The following PDE6A variants were observed in gnomAD, a reference collection of about 807,000 sequenced individuals.
PDE6A encodes phosphodiesterase 6A, also known as rod cGMP-specific 3',5'-cyclic phosphodiesterase subunit alpha.
In PDE6A, 84 loss-of-function variants were observed where a neutral mutation model predicts 106.3. The observed-to-expected ratio is 0.79, with a 90% CI of 0.66 to 0.95. The LOEUF (loss-of-function observed/expected upper bound fraction) is 0.95, where lower values mean the gene tolerates loss of function less well. Among genes scored for constraint, PDE6A ranks in the 40% least tolerant of loss-of-function variants. The probability of loss-of-function intolerance (pLI) is 0.00; values close to 1 mark genes in which losing one functional copy is unlikely to be tolerated. For missense variants in PDE6A, 1,052 were observed against 1,084.9 expected (o/e 0.97, Z 0.43); for synonymous variants, 394 against 386.6 (o/e 1.02, Z -0.23).
intron 12 of PDE6A, among the ~76,000 whole-genome samples, chr5:149,895,635 A>G (rs1228817552): frequency 3.5e-5 from 4 of 113,192 alleles, no homozygotes; most frequent in Non-Finnish European, 6.4e-5. Flanking sequence ...CTCTACAGGG[A>G]AAAAAAAAAC....
chr5:149,905,437 A>T (rs532689709), intron 7 of PDE6A, among the ~76,000 whole-genome samples: 2 of 152,296 alleles, frequency 1.3e-5, no homozygotes, highest in Admixed American at 1.3e-4. Context: ...CTCCTAAAAA[A>T]TGTCATAGTT....
intron 7 of PDE6A, among the ~76,000 whole-genome samples, chr5:149,905,950 T>C (rs1753162974): frequency 6.6e-6 from 1 of 152,124 alleles, no homozygotes; most frequent in South Asian, 2.1e-4. Context: ...CTGGAACTCC[T>C]GGGCTCAAGG....
intron 1 of PDE6A, among the ~76,000 whole-genome samples, chr5:149,943,156 C>T (rs1170421288): frequency 1.3e-5 from 2 of 152,130 alleles, no homozygotes; most frequent in Non-Finnish European, 2.9e-5. Context: ...GGGCAGAGGT[C>T]CCTGCGGCCT....
intron 6 of PDE6A, among the ~76,000 whole-genome samples, chr5:149,910,424 T>C (rs980623109): frequency 6.6e-6 from 1 of 152,216 alleles, no homozygotes; most frequent in African/African-American, 2.4e-5. Flanking sequence ...TATAACGTAA[T>C]CTATAATGCT....
At chr5:149,873,856 T>C (rs1320910453) in intron 17 of PDE6A, among the ~76,000 whole-genome samples, 3 of 151,836 alleles carry the variant, frequency 2.0e-5, no homozygotes, top group African/African-American at 4.8e-5. Context: ...TTCTATAATA[T>C]CTTGACCCTA....
At position 149,931,075 on chromosome 5, in the gene PDE6A, T is replaced by C; in HGVS notation, c.811A>G (p.Asn271Asp). ...AGACCCACAGAGTATCTGTCACAGT[T>C]GAGGAAAGCACGGACTGTGTACAGG... The part of the protein sequence containing the change: ...KALYTVRAFL[N>D]CDRYSVGLLD... The change falls in exon 4 of 22, where the codon AAC becomes GAC. Residue 271 changes from asparagine to aspartate, a missense_variant. Around this residue, in one of 3 missense-constraint regions of PDE6A, gnomAD observed 913 missense variants for 915.2 expected, o/e 1.00. Coordinates refer to ENST00000255266, the MANE Select transcript of PDE6A (RefSeq NM_000440.3). 1 of 1,614,080 alleles carries C rather than the reference T, an allele frequency of 6.2e-7. No individual in the cohort carries two copies. The highest frequency in any genetic ancestry group is 8.5e-7 in the Non-Finnish European group (1 of 1,179,920).
chr5:149,932,543 T>G (rs980944703), intron 3 of PDE6A: 2 of 1,437,314 alleles, frequency 1.4e-6, no homozygotes, highest in African/African-American at 2.8e-5. Flanking sequence ...TTGGAACTCC[T>G]TTTTGGAATC....
intron 5 of PDE6A, among the ~76,000 whole-genome samples, chr5:149,921,288 C>T (rs1753710386): frequency 6.6e-6 from 1 of 150,660 alleles, no homozygotes; most frequent in Non-Finnish European, 1.5e-5. Context: ...TAGTATAGTG[C>T]TTAGAAAGAA....
intron 1 of PDE6A, among the ~76,000 whole-genome samples, chr5:149,935,595 G>T (rs1269051766): frequency 1.3e-5 from 2 of 152,180 alleles, no homozygotes; most frequent in Non-Finnish European, 2.9e-5. Context: ...AGTGTATAGA[G>T]GAGCACACAC....
Position 149,868,080 on chromosome 5 carries a change from A to C in PDE6A, c.2199+15T>G. On this transcript the variant is annotated intron_variant, in intron 18 of 21. Transcript: ENST00000255266. Reference sequence around the variant, plus strand: ...ACTGGGATGCCCCTCCTCTTGGGTCAGCAGGAGTTCATACCTGGCTCTGCA... The same window carrying C: ...ACTGGGATGCCCCTCCTCTTGGGTCCGCAGGAGTTCATACCTGGCTCTGCA... 8 of 1,613,284 alleles carry C rather than the reference A, an allele frequency of 5.0e-6. No individual in the cohort carries two copies. In the East Asian group the frequency reaches 1.8e-4, roughly 36 times the overall value.
chr5:149,920,996 A>AAGAAAGAG (rs1554091222), intron 5 of PDE6A, among the ~76,000 whole-genome samples: 1,534 of 91,562 alleles, frequency 0.017, 46 homozygotes, highest in African/African-American at 0.045. Context: ...GAAAGAAAGA[A>AAGAAAGAG]AAAGAAAGAA....
intron 19 of PDE6A, 149 bp downstream of exon 19, chr5:149,867,576 G>T (rs1440211208): frequency 2.7e-6 from 2 of 738,694 alleles, no homozygotes; most frequent in Non-Finnish European, 2.4e-6. Context: ...GTTGACAGTG[G>T]CCTGGAGACC....
At position 149,860,815 on chromosome 5, in the gene PDE6A, G is replaced by GGT; in HGVS notation, c.*78_*79dup. The GGT allele has an allele frequency of 8.8e-7, 1 of 1,137,978 alleles. No homozygotes were observed. Among genetic ancestry groups the GGT allele is most frequent in the South Asian group, 1.2e-5 (1 of 80,076 alleles). The allele number at this position is 1,137,978 out of a possible 1,614,324, so 70.5% of individuals were successfully genotyped here. A position where few individuals can be genotyped will look rare whatever the true frequency, so the allele number is the denominator to read the frequency against. ...ATCCTATGACTCTTCTACTTCTCAA[G>GGT]GTGTGTGGTCTTCCACTGGCTTGAG... On this transcript the variant is annotated 3_prime_UTR_variant, in exon 22 of 22. Transcript: ENST00000255266.
intron 4 of PDE6A, among the ~76,000 whole-genome samples, chr5:149,924,963 CA>C (rs1467560904): frequency 6.6e-6 from 1 of 152,110 alleles, no homozygotes; most frequent in African/African-American, 2.4e-5. Context: ...CCTCACGCCC[CA>C]AGAAGTAAAA....
chr5:149,915,029 A>G (rs777302724), intron 5 of PDE6A, 22 bp from the exon 6 acceptor site: 31 of 1,225,358 alleles, frequency 2.5e-5, no homozygotes, highest in Middle Eastern at 2.6e-4. Flanking sequence ...GAGAAAAATT[A>G]TACTTTTTTT....
chr5:149,939,164 A>G (rs1754262961), intron 1 of PDE6A, among the ~76,000 whole-genome samples: 1 of 152,176 alleles, frequency 6.6e-6, no homozygotes, highest in Non-Finnish European at 1.5e-5. Context: ...GCCTAGACAG[A>G]CTTCACCCAC....
At chr5:149,890,045 T>C (rs1752489001) in intron 13 of PDE6A, among the ~76,000 whole-genome samples, 2 of 150,174 alleles carry the variant, frequency 1.3e-5, no homozygotes, top group East Asian at 2.0e-4. Context: ...AACCTCTGCC[T>C]CCCAGATTCA....
chr5:149,932,337 G>A (rs1754058989), intron 3 of PDE6A: 1 of 1,430,418 alleles, frequency 7.0e-7, no homozygotes, highest in South Asian at 1.1e-5. Flanking sequence ...AGGGGTTGTA[G>A]GAGGTCTTTC....
intron 19 of PDE6A, 69 bp downstream of exon 19, chr5:149,867,656 C>T (rs1760379799): frequency 9.2e-6 from 12 of 1,311,330 alleles, no homozygotes; most frequent in East Asian, 2.3e-5. Flanking sequence ...TCCATCATGG[C>T]GAGGTCATAT....
Sources: gnomAD v4.1 joint callset for allele counts (sites outside exome capture counted in the v4.1 genomes callset) on GRCh38, gnomAD v4.1.1 for gene constraint, gnomAD v4.1.1 regional missense constraint, MANE v1.5 for transcripts, NCBI Gene and HGNC (gene_info 2026-07-23, HGNC 2026-07-21) for gene names.